EFCAB10: variants seen among roughly 807,000 people sequenced by gnomAD.
EFCAB10 encodes EF-hand calcium-binding domain-containing protein 10.
Under a neutral mutation model 7.7 loss-of-function variants are expected in EFCAB10, and 7 were observed. That is an observed-to-expected ratio of 0.91 (90% CI 0.52 to 1.72). The LOEUF is 1.72. EFCAB10 is among the 40% of genes most tolerant of loss of function. EFCAB10 has a pLI of 0.00. For missense variants in EFCAB10, 112 were observed against 61.5 expected, an observed-to-expected ratio of 1.82 and a Z score of -2.74; for synonymous variants, 52 against 21.0, an observed-to-expected ratio of 2.47 and a Z score of -4.03.
chr7:105,567,550 ATGCTGAGT>A, intron 3 of EFCAB10, 60 bp from the exon 4 acceptor site: 1 of 668,594 alleles, frequency 1.5e-6, no homozygotes, highest in Non-Finnish European at 2.7e-6. Context: ...ACAAGTATAA[ATGCTGAGT>A]ATGTCTGTTG....
intron 4 of EFCAB10, chr7:105,566,793 CTTAT>C (rs1421287162): frequency 6.0e-6 from 1 of 166,910 alleles, no homozygotes; most frequent in Admixed American, 6.4e-5. Flanking sequence ...TCATTTATCT[CTTAT>C]TTTTGTCTTT....
intron 4 of EFCAB10, among the ~76,000 whole-genome samples, chr7:105,565,843 T>G (rs1791705355): frequency 6.6e-6 from 1 of 152,172 alleles, no homozygotes; most frequent in South Asian, 2.1e-4. Context: ...CCTCAAAAAG[T>G]TTCAGAACTA....
At chr7:105,579,164 C>A (rs1792161414) in intron 1 of EFCAB10, among the ~76,000 whole-genome samples, 1 of 152,174 alleles carries the variant, frequency 6.6e-6, no homozygotes, top group Non-Finnish European at 1.5e-5. Flanking sequence ...TCTCAGGAAG[C>A]CACTAAAGGA....
At position 105,565,440 on chromosome 7, in the gene EFCAB10, G is replaced by A. The variant is rs768627748; in HGVS notation, c.*7C>T. The A allele has an allele frequency of 2.5e-6, 4 of 1,613,964 alleles. No individual in the cohort carries two copies. Among genetic ancestry groups the A allele is most frequent in the African/African-American group, 2.7e-5 (2 of 74,924 alleles). ...GCAAATGCTTGTAGAGAAGCTGGAT[G>A]TATACATCTACCAAGAAGTAAGTAA... On this transcript the variant is annotated 3_prime_UTR_variant, in exon 5 of 5. Coordinates refer to ENST00000480514, the MANE Select transcript of EFCAB10 (RefSeq NM_001355526.2).
intron 1 of EFCAB10, among the ~76,000 whole-genome samples, chr7:105,580,229 C>CT (rs375638811): frequency 2.2e-4 from 34 of 152,240 alleles, no homozygotes; most frequent in African/African-American, 7.9e-4. Context: ...GTCAAGTGAT[C>CT]TGCCCACCAC....
chr7:105,581,359 C>T lies in EFCAB10; in HGVS notation c.105G>A (p.Pro35=), dbSNP rs1316128312. 2 of 702,792 alleles carry T rather than the reference C, an allele frequency of 2.8e-6. No individual in the cohort carries two copies. Among genetic ancestry groups the T allele is most frequent in the African/African-American group, 3.5e-5 (2 of 57,246 alleles). The allele number at this position is 702,792 out of a possible 1,614,324, so 43.5% of individuals were successfully genotyped here. A position where few individuals can be genotyped will look rare whatever the true frequency, so the allele number is the denominator to read the frequency against. The part of the protein sequence containing the change: ...YLTSALLFFR[P]EKPKEYLISL... ...GTACCGGGGCATGGGGGCCCTTACC[C>T]GGCCGAAAGAAAAGGAGGGCGCTGG... Residue 35 remains proline (P), a splice_region_variant and synonymous_variant, in exon 1 of 5, where the codon CCG becomes CCA. Transcript: ENST00000480514.
At chr7:105,578,675 A>T (rs1292251521) in intron 1 of EFCAB10, among the ~76,000 whole-genome samples, 1 of 152,234 alleles carries the variant, frequency 6.6e-6, no homozygotes, top group Non-Finnish European at 1.5e-5. Flanking sequence ...ATGACATATG[A>T]CATCAGAATT....
In EFCAB10 at chr7:105,567,311, A is replaced by G; in HGVS notation, c.383+156T>C. 6.3e-7 allele frequency: 1 copy of G among 1,577,694 alleles called. No individual in the cohort carries two copies. Among genetic ancestry groups the G allele is most frequent in the Non-Finnish European group, 8.6e-7 (1 of 1,161,160 alleles). On this transcript the variant is annotated intron_variant, in intron 4 of 4. Transcript: ENST00000480514. ...CAAATTGGCCTAATACTGGAAAATA[A>G]TGTCTTTCAGAAAAAGGTTTCTTTG...
Position 105,565,188 on chromosome 7 carries a change from A to T in EFCAB10, c.*259T>A. The T allele has an allele frequency of 1.7e-6, 2 of 1,200,658 alleles. No individual in the cohort carries two copies. The highest frequency in any genetic ancestry group is 3.2e-5 in the South Asian group (2 of 63,248). 74.4% of individuals were successfully genotyped at this position (1,200,658 alleles called of 1,614,324 possible). A position where few individuals can be genotyped will look rare whatever the true frequency, so the allele number is the denominator to read the frequency against. On this transcript the variant is annotated 3_prime_UTR_variant, in exon 5 of 5. Transcript: ENST00000480514. ...TTTTTCTTATCCAAAATGCCCTAGG[A>T]CAGAACACTTCCTCAAATTTAAAAT...
At chr7:105,576,215 T>G (rs1032590677) in intron 1 of EFCAB10, among the ~76,000 whole-genome samples, 1 of 152,166 alleles carries the variant, frequency 6.6e-6, no homozygotes, top group African/African-American at 2.4e-5. Flanking sequence ...AGAAACTTCT[T>G]ATGCCACATC....
At chr7:105,573,100 G>A (rs1791990922) in intron 1 of EFCAB10, 1 of 151,428 alleles carries the variant, frequency 6.6e-6, no homozygotes, top group South Asian at 2.1e-4. Context: ...CATTGCATAG[G>A]TTGTCTCTTC....
rs746864752 is a variant in EFCAB10 at position 105,565,357 on chromosome 7, G to A, written c.*90C>T. ...GCTTGCCCGTTGCTGCTGACGTTAC[G>A]AGACCATTTACTTCAGTTGGAGCAG... On this transcript the variant is annotated 3_prime_UTR_variant, in exon 5 of 5. Coordinates refer to ENST00000480514, the MANE Select transcript of EFCAB10 (RefSeq NM_001355526.2). The A allele has an allele frequency of 1.2e-5, 19 of 1,614,048 alleles. No individual in the cohort carries two copies. The highest frequency in any genetic ancestry group is 2.2e-5 in the East Asian group (1 of 44,896).
At chr7:105,568,490 T>G (rs1380442978) in intron 3 of EFCAB10, among the ~76,000 whole-genome samples, 2 of 152,230 alleles carry the variant, frequency 1.3e-5, no homozygotes, top group Non-Finnish European at 2.9e-5. Context: ...ATTTACTTTG[T>G]GATAATTTTG....
chr7:105,577,864 G>A (rs986190168), intron 1 of EFCAB10, among the ~76,000 whole-genome samples: 1 of 152,094 alleles, frequency 6.6e-6, no homozygotes, highest in East Asian at 1.9e-4. Context: ...TTACAAGCAT[G>A]TGCCACTACA....
intron 3 of EFCAB10, among the ~76,000 whole-genome samples, chr7:105,567,932 T>C (rs979407686): frequency 2.0e-5 from 3 of 152,138 alleles, no homozygotes; most frequent in African/African-American, 7.2e-5. Flanking sequence ...AGGTCAAGAC[T>C]ACAGTGAGCT....
At chr7:105,579,793 T>C (rs558334957) in intron 1 of EFCAB10, among the ~76,000 whole-genome samples, 15 of 152,192 alleles carry the variant, frequency 9.9e-5, no homozygotes, top group Admixed American at 2.0e-4. Context: ...GCTAAAAGAG[T>C]TGAAATTATT....
chr7:105,567,936 G>T (rs923854569), intron 3 of EFCAB10, among the ~76,000 whole-genome samples: 10 of 152,234 alleles, frequency 6.6e-5, no homozygotes, highest in African/African-American at 2.4e-4. Flanking sequence ...CAAGACTACA[G>T]TGAGCTCTGA....
In EFCAB10 at chr7:105,569,419, GCA is replaced by G. The variant is rs1791879075; in HGVS notation, c.257_258del (p.Val86AlafsTer3). On this transcript the variant is annotated frameshift_variant, in exon 2 of 5. Transcript: ENST00000480514. LOFTEE classifies it high-confidence loss of function. ...AGAATGTACTGACCTTCTTTATACT[GCA>G]CAAATGATATGGTGCCTCTGCCTGA... is the stretch of plus-strand genomic sequence containing the variant. The part of the protein sequence containing the change: ...DSSGRGTISF[V>X]QYKEALKTLG... 1 of 702,104 alleles carries G rather than the reference GCA, an allele frequency of 1.4e-6. No individual in the cohort carries two copies. Among genetic ancestry groups the G allele is most frequent in the Non-Finnish European group, 2.6e-6 (1 of 384,866 alleles). The allele number at this position is 702,104 out of a possible 1,614,324, so 43.5% of individuals were successfully genotyped here.
intron 4 of EFCAB10, chr7:105,567,196 CA>C: frequency 6.2e-7 from 1 of 1,612,696 alleles, no homozygotes; most frequent in South Asian, 1.1e-5. Context: ...CAGTCAGCTT[CA>C]GGGCAGCTTC....
Sources: gnomAD v4.1 joint callset for allele counts (sites outside exome capture counted in the v4.1 genomes callset) on GRCh38, gnomAD v4.1.1 for gene constraint, MANE v1.5 for transcripts, NCBI Gene and HGNC (gene_info 2026-07-23, HGNC 2026-07-21) for gene names.